The following FAT3 variants were observed in gnomAD, a reference collection of about 807,000 sequenced individuals.
FAT3 encodes protocadherin Fat 3.
Under a neutral mutation model 310.2 loss-of-function variants are expected in FAT3, and 95 were observed. That is an observed-to-expected ratio of 0.31 (90% CI 0.26 to 0.36). FAT3 has a LOEUF of 0.36. FAT3 is among the 10% of genes least tolerant of loss of function. The pLI is 1.00. For missense variants in FAT3, 5,408 were observed against 5,715.6 expected (o/e 0.95, Z 1.74); for synonymous variants, 2,314 against 2,192.9 (o/e 1.06, Z -1.54).
chr11:92,789,177 A>T (rs1437648263), intron 7 of FAT3, among the ~76,000 whole-genome samples: 1 of 152,138 alleles, frequency 6.6e-6, no homozygotes, highest in African/African-American at 2.4e-5. Flanking sequence ...TCTTTTAAAG[A>T]TGCATACCGA....
At chr11:92,877,757 T>C (rs1406753082) in intron 22 of FAT3, among the ~76,000 whole-genome samples, 1 of 152,178 alleles carries the variant, frequency 6.6e-6, no homozygotes, top group African/African-American at 2.4e-5. Context: ...AGAAATCATC[T>C]CATTTGGAAG....
chr11:92,237,798 T>C (rs1413338244), intron 1 of FAT3, among the ~76,000 whole-genome samples: 1 of 152,168 alleles, frequency 6.6e-6, no homozygotes, highest in Non-Finnish European at 1.5e-5. Flanking sequence ...GATGGTAGAA[T>C]AATTTAGCAT....
intron 22 of FAT3, among the ~76,000 whole-genome samples, chr11:92,873,031 G>C (rs1001654560): frequency 5.3e-5 from 8 of 152,160 alleles, no homozygotes; most frequent in African/African-American, 1.9e-4. Context: ...ATGATTTCCA[G>C]TTGTTTGGTT....
rs186585296 is a variant in FAT3 at position 92,831,879 on chromosome 11, G to A, written c.9739G>A (p.Glu3247Lys). The change falls in exon 14 of 28, where the codon GAG (glutamate) becomes AAG (lysine). Residue 3247 changes from glutamate to lysine, a missense_variant. Physicochemically the swap from Glu to Lys is moderately conservative, Grantham distance 56. Coordinates refer to ENST00000525166, the MANE Select transcript of FAT3 (RefSeq NM_001367949.2). ...ERRDYLVTVP[E>K]DTSPGTQVLA... ...GAGGGACTACCTGGTGACGGTGCCT[G>A]AGGACACCTCCCCTGGCACCCAAGT... is the stretch of plus-strand genomic sequence containing the variant. 7 of 1,613,368 alleles carry A rather than the reference G, an allele frequency of 4.3e-6. No individual in the cohort carries two copies. The Admixed American group carries it at 1.2e-4, about 27-fold the overall frequency.
intron 1 of FAT3, among the ~76,000 whole-genome samples, chr11:92,330,142 C>T (rs1365446544): frequency 2.0e-5 from 3 of 152,144 alleles, no homozygotes; most frequent in African/African-American, 7.2e-5. Flanking sequence ...TTGTTTAAGA[C>T]CTTCAGATGC....
intron 1 of FAT3, among the ~76,000 whole-genome samples, chr11:92,279,367 A>T (rs1946362011): frequency 1.3e-5 from 2 of 152,146 alleles, no homozygotes; most frequent in African/African-American, 4.8e-5. Context: ...AATCTTGTAG[A>T]TTCAAGCAGC....
At chr11:92,557,055 A>G (rs1451901843) in intron 3 of FAT3, among the ~76,000 whole-genome samples, 21 of 151,208 alleles carry the variant, frequency 1.4e-4, no homozygotes, top group Admixed American at 1.3e-3. Context: ...TGGCAAACCC[A>G]TTTTTCATAG....
chr11:92,495,802 G>A (rs1403258686), intron 2 of FAT3, among the ~76,000 whole-genome samples: 2 of 152,026 alleles, frequency 1.3e-5, no homozygotes, highest in South Asian at 2.1e-4. Context: ...ACAGTGTACT[G>A]TTTTTTCAGA....
intron 3 of FAT3, among the ~76,000 whole-genome samples, chr11:92,597,305 T>C (rs1226332013): frequency 6.6e-6 from 1 of 152,242 alleles, no homozygotes; most frequent in Non-Finnish European, 1.5e-5. Flanking sequence ...AGGCATTTTC[T>C]AATTCTCATA....
chr11:92,853,192 T>A (rs1476779729), intron 19 of FAT3, among the ~76,000 whole-genome samples: 2 of 152,158 alleles, frequency 1.3e-5, no homozygotes, highest in African/African-American at 4.8e-5. Flanking sequence ...AAGCATGGGG[T>A]TCGGCCACTG....
At chr11:92,821,510 G>C (rs1280775791) in intron 13 of FAT3, among the ~76,000 whole-genome samples, 1 of 152,140 alleles carries the variant, frequency 6.6e-6, no homozygotes, top group East Asian at 1.9e-4. Context: ...GTGGCTAAGG[G>C]ACTATTAAAA....
chr11:92,260,148 A>G (rs912120410), intron 1 of FAT3, among the ~76,000 whole-genome samples: 1 of 152,128 alleles, frequency 6.6e-6, no homozygotes, highest in African/African-American at 2.4e-5. Context: ...CCTTGGCTGT[A>G]GCCCCTTTCC....
chr11:92,884,894 G>A (rs553617415), intron 24 of FAT3, among the ~76,000 whole-genome samples: 1 of 152,270 alleles, frequency 6.6e-6, no homozygotes, highest in Admixed American at 6.5e-5. Flanking sequence ...GGTCAAACCA[G>A]GCCTCCAAAA....
At chr11:92,261,054 T>C (rs907809868) in intron 1 of FAT3, among the ~76,000 whole-genome samples, 1 of 152,066 alleles carries the variant, frequency 6.6e-6, no homozygotes, top group Non-Finnish European at 1.5e-5. Context: ...AATTGTATCA[T>C]TTATTCATAT....
intron 3 of FAT3, among the ~76,000 whole-genome samples, chr11:92,595,405 A>T (rs949984092): frequency 1.3e-5 from 2 of 152,160 alleles, no homozygotes; most frequent in African/African-American, 4.8e-5. Context: ...CGGAACAAAA[A>T]GTGTTTTATT....
chr11:92,866,584 G>T (rs538101584), intron 21 of FAT3, among the ~76,000 whole-genome samples, 157 bp from the exon 22 acceptor site: 11 of 152,304 alleles, frequency 7.2e-5, no homozygotes, highest in Admixed American at 5.9e-4. Flanking sequence ...AGGCACAGTG[G>T]TTAAAAATCA....
intron 3 of FAT3, among the ~76,000 whole-genome samples, chr11:92,661,050 G>T (rs1434355989): frequency 6.6e-6 from 1 of 152,178 alleles, no homozygotes. Context: ...TTCACTAGGT[G>T]AGTATTTGAT....
At chr11:92,339,399 A>G (rs1299765416) in intron 1 of FAT3, among the ~76,000 whole-genome samples, 2 of 152,186 alleles carry the variant, frequency 1.3e-5, no homozygotes, top group African/African-American at 4.8e-5. Flanking sequence ...TTAAACAACA[A>G]ATATTTATTG....
chr11:92,552,682 G>A (rs1343993928), intron 3 of FAT3, among the ~76,000 whole-genome samples: 1 of 152,012 alleles, frequency 6.6e-6, no homozygotes, highest in African/African-American at 2.4e-5. Context: ...AAAGTCTCAG[G>A]ATTTGTTGAC....
Sources: gnomAD v4.1 joint callset for allele counts (sites outside exome capture counted in the v4.1 genomes callset) on GRCh38, gnomAD v4.1.1 for gene constraint, MANE v1.5 for transcripts, NCBI Gene and HGNC (gene_info 2026-07-23, HGNC 2026-07-21) for gene names.